Variants in PDSS2 observed in about 807,000 individuals in gnomAD.
The protein encoded by PDSS2 is all trans-polyprenyl-diphosphate synthase PDSS2.
In PDSS2, 31 loss-of-function variants were observed where a neutral mutation model predicts 44.5. The ratio of observed to expected loss-of-function variants is 0.70; its 90% confidence interval spans 0.52 to 0.94. The LOEUF (loss-of-function observed/expected upper bound fraction) is 0.94, where lower values mean the gene tolerates loss of function less well. Ranked by LOEUF, PDSS2 falls within the 40% of genes least tolerant of loss-of-function variation. The pLI, the probability that PDSS2 is intolerant of heterozygous loss-of-function variation, is 0.00. For synonymous variants in PDSS2, 157 were observed against 180.3 expected (o/e 0.87, Z 1.03); for missense variants, 452 against 482.2 (o/e 0.94, Z 0.59).
intron 2 of PDSS2, among the ~76,000 whole-genome samples, chr6:107,297,544 G>A (rs1225501080): frequency 2.6e-5 from 4 of 151,104 alleles, no homozygotes; most frequent in East Asian, 2.0e-4. Flanking sequence ...CACCATGCCC[G>A]GCTAATTTTT....
intron 2 of PDSS2, among the ~76,000 whole-genome samples, chr6:107,302,903 T>G (rs1245132406): frequency 6.6e-6 from 1 of 152,058 alleles, no homozygotes; most frequent in East Asian, 1.9e-4. Flanking sequence ...ACTGATTACA[T>G]GTTAAAATGA....
At chr6:107,391,513 G>A (rs553071264) in intron 1 of PDSS2, among the ~76,000 whole-genome samples, 52 of 152,112 alleles carry the variant, frequency 3.4e-4, no homozygotes, top group Non-Finnish European at 5.9e-4. Context: ...AAGCAGGTAC[G>A]GAAATCATTT....
intron 1 of PDSS2, among the ~76,000 whole-genome samples, chr6:107,357,612 C>A (rs1778632494): frequency 6.6e-6 from 1 of 152,016 alleles, no homozygotes; most frequent in Non-Finnish European, 1.5e-5. Context: ...AAACATGCAT[C>A]CATTTTTTAA....
intron 7 of PDSS2, among the ~76,000 whole-genome samples, chr6:107,159,114 G>T (rs187140352): frequency 3.0e-4 from 46 of 152,242 alleles, no homozygotes; most frequent in African/African-American, 1.0e-3. Flanking sequence ...CAGAGTGCCT[G>T]ATAGTGCCTA....
intron 1 of PDSS2, among the ~76,000 whole-genome samples, chr6:107,424,036 C>CTTTTTT (rs56318621): frequency 1.1e-5 from 1 of 90,586 alleles, no homozygotes. Context: ...TATCTTGCAT[C>CTTTTTT]TTTTTTTTTT....
chr6:107,304,067 T>C (rs1776780273), intron 2 of PDSS2, among the ~76,000 whole-genome samples: 1 of 152,252 alleles, frequency 6.6e-6, no homozygotes, highest in South Asian at 2.1e-4. Context: ...TTGACTATTA[T>C]GGTGGGCACC....
chr6:107,413,880 G>T (rs1172211227), intron 1 of PDSS2, among the ~76,000 whole-genome samples: 1 of 152,216 alleles, frequency 6.6e-6, no homozygotes, highest in Non-Finnish European at 1.5e-5. Context: ...AGGGAAGACT[G>T]TGGCAATTGA....
intron 2 of PDSS2, among the ~76,000 whole-genome samples, chr6:107,310,919 C>CTT (rs370360594): frequency 0.17 from 23,863 of 140,772 alleles, 2,144 homozygotes; most frequent in African/African-American, 0.21. Flanking sequence ...CAAAAATAAA[C>CTT]TTTTTTTTTT....
chr6:107,430,278 C>T (rs915369491), intron 1 of PDSS2, among the ~76,000 whole-genome samples: 2 of 151,602 alleles, frequency 1.3e-5, no homozygotes, highest in Non-Finnish European at 2.9e-5. Flanking sequence ...GGTGGGTGGA[C>T]CACTCAAAGC....
intron 1 of PDSS2, among the ~76,000 whole-genome samples, chr6:107,378,993 G>A (rs928514396): frequency 5.9e-5 from 9 of 152,066 alleles, no homozygotes; most frequent in African/African-American, 1.9e-4. Flanking sequence ...TCACCGTAAA[G>A]TTACTCCCCA....
chr6:107,225,323 C>A (rs1773784584), intron 4 of PDSS2, among the ~76,000 whole-genome samples: 1 of 150,626 alleles, frequency 6.6e-6, no homozygotes, highest in East Asian at 1.9e-4. Flanking sequence ...CAGATGTGTG[C>A]CACCATGCCC....
intron 2 of PDSS2, among the ~76,000 whole-genome samples, chr6:107,324,019 T>C (rs1296060245): frequency 6.6e-6 from 1 of 152,200 alleles, no homozygotes; most frequent in Non-Finnish European, 1.5e-5. Context: ...ATTTTGTGTT[T>C]TTCCAAAAGC....
At chr6:107,433,058 A>C (rs1219868857) in intron 1 of PDSS2, among the ~76,000 whole-genome samples, 1 of 152,186 alleles carries the variant, frequency 6.6e-6, no homozygotes, top group Admixed American at 6.5e-5. Context: ...TTCACAACAT[A>C]ATGTCCTCCA....
intron 1 of PDSS2, among the ~76,000 whole-genome samples, chr6:107,396,790 G>T (rs987828372): frequency 1.4e-5 from 2 of 147,652 alleles, no homozygotes; most frequent in African/African-American, 5.0e-5. Flanking sequence ...CTGGGCTCAA[G>T]GAATCCTCCC....
chr6:107,236,320 T>C (rs908745188), intron 4 of PDSS2, among the ~76,000 whole-genome samples: 2 of 152,174 alleles, frequency 1.3e-5, no homozygotes, highest in African/African-American at 4.8e-5. Context: ...AGTTCATTAC[T>C]GGCTGGACGC....
intron 6 of PDSS2, among the ~76,000 whole-genome samples, chr6:107,204,010 G>T (rs539604022): frequency 6.6e-6 from 1 of 150,634 alleles, no homozygotes; most frequent in Non-Finnish European, 1.5e-5. Context: ...TAGCATGATC[G>T]AGGCTCACTG....
chr6:107,242,551 A>G (rs1774476402), intron 4 of PDSS2, among the ~76,000 whole-genome samples: 1 of 150,300 alleles, frequency 6.7e-6, no homozygotes, highest in African/African-American at 2.5e-5. Flanking sequence ...GCCAAAAATT[A>G]TTATTTTTTA....
intron 3 of PDSS2, among the ~76,000 whole-genome samples, chr6:107,249,382 A>G (rs1409884542): frequency 1.3e-5 from 2 of 152,204 alleles, no homozygotes; most frequent in Non-Finnish European, 2.9e-5. Context: ...ACAAAACCCA[A>G]CCCAGAACAC....
At chr6:107,452,945 G>A (rs1352990454) in intron 1 of PDSS2, among the ~76,000 whole-genome samples, 5 of 152,074 alleles carry the variant, frequency 3.3e-5, no homozygotes, top group African/African-American at 7.2e-5. Context: ...GATTACAGGC[G>A]TGAGCCACCA....
Sources: gnomAD v4.1 joint callset for allele counts (sites outside exome capture counted in the v4.1 genomes callset) on GRCh38, gnomAD v4.1.1 for gene constraint, MANE v1.5 for transcripts, NCBI Gene and HGNC (gene_info 2026-07-23, HGNC 2026-07-21) for gene names.